ADAM2: variants seen among roughly 807,000 people sequenced by gnomAD.
The protein encoded by ADAM2 is ADAM metallopeptidase domain 2, also known as disintegrin and metalloproteinase domain-containing protein 2.
ADAM2 carries 101 observed loss-of-function variants against 99.3 expected under a neutral mutation model. The observed-to-expected ratio is 1.02, with a 90% CI of 0.87 to 1.20. The LOEUF (loss-of-function observed/expected upper bound fraction) is 1.20, where lower values mean the gene tolerates loss of function less well. Among genes scored for constraint, ADAM2 ranks in the 50% most tolerant of loss-of-function variants. The pLI is 0.00. For missense variants in ADAM2, 948 were observed against 878.7 expected, an observed-to-expected ratio of 1.08 and a Z score of -1.00; for synonymous variants, 323 against 287.6, an observed-to-expected ratio of 1.12 and a Z score of -1.25.
intron 11 of ADAM2, 72 bp from the exon 12 acceptor site, chr8:39,769,647 T>C (rs867515807): frequency 4.9e-6 from 5 of 1,013,488 alleles, no homozygotes; most frequent in Non-Finnish European, 5.9e-6. Context: ...AATAAACCTA[T>C]ACAACAGCAT....
chr8:39,812,470 C>T (rs906206547), intron 6 of ADAM2, among the ~76,000 whole-genome samples: 1 of 152,140 alleles, frequency 6.6e-6, no homozygotes, highest in Non-Finnish European at 1.5e-5. Flanking sequence ...ATAGCCAAGA[C>T]AATCCTAAGC....
At chr8:39,762,896 A>T (rs1368791360) in intron 14 of ADAM2, among the ~76,000 whole-genome samples, 2 of 152,232 alleles carry the variant, frequency 1.3e-5, no homozygotes, top group African/African-American at 4.8e-5. Flanking sequence ...AGGAAGAGAG[A>T]GTGCAGAATT....
chr8:39,821,329 T>G (rs2129588195), intron 5 of ADAM2, among the ~76,000 whole-genome samples, 159 bp from the exon 6 acceptor site: 1 of 152,316 alleles, frequency 6.6e-6, no homozygotes, highest in East Asian at 1.9e-4. Flanking sequence ...ACAAACTTAC[T>G]GAGTGACACC....
At chr8:39,831,259 A>G (rs1805606645) in intron 3 of ADAM2, among the ~76,000 whole-genome samples, 1 of 148,854 alleles carries the variant, frequency 6.7e-6, no homozygotes, top group Non-Finnish European at 1.5e-5. Context: ...ACTCTAAACT[A>G]TATCTCAGGC....
intron 7 of ADAM2, among the ~76,000 whole-genome samples, chr8:39,794,457 A>T (rs900203701): frequency 2.0e-5 from 3 of 152,234 alleles, no homozygotes; most frequent in South Asian, 4.1e-4. Flanking sequence ...CACCCCTCAT[A>T]TAGTCCTTTA....
chr8:39,754,746 A>G (rs1324584883), intron 16 of ADAM2, among the ~76,000 whole-genome samples: 1 of 152,174 alleles, frequency 6.6e-6, no homozygotes, highest in Non-Finnish European at 1.5e-5. Context: ...ATTAAGCCAG[A>G]GAGGCTTTAT....
At position 39,826,679 on chromosome 8, in the gene ADAM2, C is replaced by T. The variant is rs563212101; in HGVS notation, c.189-1782G>A. Among the ~76,000 whole-genome samples the T allele has an allele frequency of 1.1e-4, 16 of 150,490 alleles. 1 individual carries two copies. Among genetic ancestry groups the T allele is most frequent in the East Asian group, 3.9e-4 (2 of 5,104 alleles). ...CAGAGCTTGCAGTGAGCCGAGACAG[C>T]GCCACTGCACTCCAGCCTTGGCTAC... is the stretch of plus-strand genomic sequence containing the variant. On this transcript the variant is annotated intron_variant, in intron 3 of 20. Coordinates refer to ENST00000265708, the MANE Select transcript of ADAM2 (RefSeq NM_001464.5).
In ADAM2 at chr8:39,744,239, T is replaced by TA. The variant is rs1268211258; in HGVS notation, c.*31-176dup. 5.9e-5 allele frequency among the ~76,000 whole-genome samples: 9 copies of TA among 152,210 alleles called. No homozygotes were observed. The East Asian group carries it at 1.7e-3, about 29-fold the overall frequency. ...AGTAAAATTAACTAAAGAAAATAAT[T>TA]AAAAAATAACACTGTAATAAATTTT... On this transcript the variant is annotated intron_variant, in intron 20 of 20. Coordinates refer to ENST00000265708, the MANE Select transcript of ADAM2 (RefSeq NM_001464.5).
intron 7 of ADAM2, among the ~76,000 whole-genome samples, chr8:39,790,517 G>A (rs1160958899): frequency 6.6e-6 from 1 of 151,914 alleles, no homozygotes; most frequent in African/African-American, 2.4e-5. Flanking sequence ...TTGGCCTGTG[G>A]TACAGGAAAG....
At chr8:39,806,024 T>C (rs1280552936) in intron 7 of ADAM2, among the ~76,000 whole-genome samples, 1 of 152,166 alleles carries the variant, frequency 6.6e-6, no homozygotes, top group Non-Finnish European at 1.5e-5. Flanking sequence ...TATGCACAAT[T>C]TCATGGCTGA....
chr8:39,830,296 T>C (rs1477715949), intron 3 of ADAM2, among the ~76,000 whole-genome samples: 1 of 152,130 alleles, frequency 6.6e-6, no homozygotes, highest in Non-Finnish European at 1.5e-5. Context: ...GACTACACTA[T>C]AAATAATGGG....
Position 39,788,212 on chromosome 8 carries a change from A to T in ADAM2, c.682T>A (p.Leu228Met), listed in dbSNP as rs766436527. 6.4e-7 allele frequency: 1 copy of T among 1,566,810 alleles called. No individual in the cohort carries two copies. The highest frequency in any genetic ancestry group is 8.7e-7 in the Non-Finnish European group (1 of 1,150,432). The change falls in exon 9 of 21, where the codon TTG becomes ATG. Residue 228 changes from leucine (L) to methionine (M), a missense_variant. Coordinates refer to ENST00000265708, the MANE Select transcript of ADAM2 (RefSeq NM_001464.5). The part of the protein sequence containing the change: ...SFNITIILSS[L>M]ELWIDENKIA... ...TTATTTTCATCTATCCAAAGCTCCA[A>T]TGAAGACAGAATAATTGTAATATTA...
intron 5 of ADAM2, 77 bp downstream of exon 5, chr8:39,821,509 A>T: frequency 8.6e-7 from 1 of 1,157,122 alleles, no homozygotes. Flanking sequence ...AGAACCACTG[A>T]ATATTATGTT....
At chr8:39,808,212 A>ACG (rs764989311) in intron 7 of ADAM2, among the ~76,000 whole-genome samples, 4 of 151,832 alleles carry the variant, frequency 2.6e-5, no homozygotes, top group Non-Finnish European at 4.4e-5. Context: ...ACACACACAC[A>ACG]CACACACACA....
At chr8:39,796,418 C>T (rs909273626) in intron 7 of ADAM2, among the ~76,000 whole-genome samples, 6 of 152,152 alleles carry the variant, frequency 3.9e-5, no homozygotes, top group Non-Finnish European at 8.8e-5. Context: ...ATATGTACCA[C>T]GTTTTCTTTA....
At chr8:39,748,227 GA>G (rs1021185719) in intron 18 of ADAM2, among the ~76,000 whole-genome samples, 2 of 152,120 alleles carry the variant, frequency 1.3e-5, no homozygotes, top group Admixed American at 6.6e-5. Flanking sequence ...GAGTCTGTAG[GA>G]AGACCACGAG....
At chr8:39,826,134 C>T (rs952178482) in intron 3 of ADAM2, among the ~76,000 whole-genome samples, 5 of 152,078 alleles carry the variant, frequency 3.3e-5, no homozygotes, top group Admixed American at 1.3e-4. Flanking sequence ...ATAGCCAAAA[C>T]GAGCTTGACC....
chr8:39,774,420 A>G (rs1462553782), intron 11 of ADAM2, among the ~76,000 whole-genome samples: 1 of 152,076 alleles, frequency 6.6e-6, no homozygotes, highest in Non-Finnish European at 1.5e-5. Flanking sequence ...AGACTAAATT[A>G]GAAGTTCCAG....
chr8:39,761,065 TCTTA>T (rs1197637058), intron 15 of ADAM2, 107 bp downstream of exon 15: 8 of 540,858 alleles, frequency 1.5e-5, no homozygotes, highest in Admixed American at 3.5e-5. Context: ...ATAAACATGG[TCTTA>T]CTTTATGTTC....
Sources: allele counts gnomAD v4.1 joint callset (sites outside exome capture counted in the v4.1 genomes callset), GRCh38; gene constraint gnomAD v4.1.1; transcripts MANE v1.5; gene names NCBI Gene and HGNC (gene_info 2026-07-23, HGNC 2026-07-21).